The following SLC12A7 variants were observed in gnomAD, a reference collection of about 807,000 sequenced individuals.
SLC12A7 encodes K-Cl cotransporter 4.
A neutral mutation model predicts 120.6 loss-of-function variants in SLC12A7; 100 were observed. That is an observed-to-expected ratio of 0.83 (90% confidence interval 0.71 to 0.98). The LOEUF is 0.98. Ranked by LOEUF, SLC12A7 falls within the 50% of genes least tolerant of loss-of-function variation. The pLI, the probability that SLC12A7 is intolerant of heterozygous loss-of-function variation, is 0.00. For missense variants in SLC12A7, 1,373 were observed against 1,548.1 expected (o/e 0.89, Z 1.90); for synonymous variants, 760 against 678.0 (o/e 1.12, Z -1.88).
chr5:1,101,779 A>ACCCCCCCCCCCCCCCCC (rs914181852), intron 1 of SLC12A7, among the ~76,000 whole-genome samples: 1 of 133,356 alleles, frequency 7.5e-6, no homozygotes. Context: ...CACTGCCCCG[A>ACCCCCCCCCCCCCCCCC]CCCCCCTCCA....
intron 17 of SLC12A7, among the ~76,000 whole-genome samples, chr5:1,068,346 A>G (rs1372131639): frequency 6.6e-6 from 1 of 152,236 alleles, no homozygotes; most frequent in Non-Finnish European, 1.5e-5. Context: ...AGGCAGGAGA[A>G]CTGCTTCAAC....
chr5:1,095,044 A>AGGAGGCGGGGGCGGTG (rs1740978194), intron 1 of SLC12A7, among the ~76,000 whole-genome samples: 1 of 90,234 alleles, frequency 1.1e-5, no homozygotes, highest in African/African-American at 3.6e-5. Context: ...GGGGGCCGGT[A>AGGAGGCGGGGGCGGTG]GGAGGCGGGG....
chr5:1,061,002 A>G (rs1201933614), intron 20 of SLC12A7, among the ~76,000 whole-genome samples: 1,641 of 131,926 alleles, frequency 0.012, 34 homozygotes, highest in African/African-American at 0.047. Flanking sequence ...CCTGCCGTGC[A>G]GGATCCCTGA....
In SLC12A7 at chr5:1,093,758, C is replaced by T. The variant is rs1048955922; in HGVS notation, c.220-103G>A. 250 of 1,516,444 alleles carry T rather than the reference C, an allele frequency of 1.6e-4. 1 individual carries two copies. The highest frequency in any genetic ancestry group is 4.2e-4 in the Middle Eastern group (2 of 4,788). The allele number at this position is 1,516,444 out of a possible 1,614,324, so 93.9% of individuals were successfully genotyped here. The stretch of plus-strand genomic sequence containing the variant: ...GTGGAGCTCAGGCCCTCCCCGGGTC[C>T]TCAGCCCCTGGGTCTGAAGCAAGCC... On this transcript the variant is annotated intron_variant, in intron 2 of 23. Transcript: ENST00000264930.
At chr5:1,089,549 A>C (rs1395164257) in intron 3 of SLC12A7, among the ~76,000 whole-genome samples, 5 of 148,006 alleles carry the variant, frequency 3.4e-5, no homozygotes, top group Admixed American at 1.4e-4. Context: ...CGGAGGGATG[A>C]GACGGCTGCT....
chr5:1,079,319 T>C (rs1295603724), intron 10 of SLC12A7, 79 bp downstream of exon 10: 16 of 1,118,376 alleles, frequency 1.4e-5, no homozygotes, highest in Non-Finnish European at 1.1e-5. Context: ...GCCGAGGGTA[T>C]GATGCTGAGC....
At chr5:1,105,171 C>T (rs1260585751) in intron 1 of SLC12A7, among the ~76,000 whole-genome samples, 21 of 146,662 alleles carry the variant, frequency 1.4e-4, no homozygotes, top group African/African-American at 4.5e-4. Flanking sequence ...GGACCCTCCC[C>T]GCAGGGATGA....
chr5:1,100,717 A>T (rs979842477), intron 1 of SLC12A7, among the ~76,000 whole-genome samples: 5 of 152,226 alleles, frequency 3.3e-5, no homozygotes, highest in African/African-American at 1.2e-4. Flanking sequence ...GCTAACCACG[A>T]GAGAAAACAC....
the SLC12A7 span, among the ~76,000 whole-genome samples, chr5:1,139,164 A>G: frequency 6.6e-6 from 1 of 152,204 alleles, no homozygotes; most frequent in African/African-American, 2.4e-5. Flanking sequence ...GTAGCCCACC[A>G]GGTGGCTGCT....
chr5:1,149,584 A>C, the SLC12A7 span, among the ~76,000 whole-genome samples: 1 of 152,080 alleles, frequency 6.6e-6, no homozygotes, highest in Non-Finnish European at 1.5e-5. Context: ...CTCAAAAACA[A>C]ATAAATTAAA....
At chr5:1,144,350 C>T in the SLC12A7 span, among the ~76,000 whole-genome samples, 4 of 152,242 alleles carry the variant, frequency 2.6e-5, no homozygotes, top group Non-Finnish European at 4.4e-5. Flanking sequence ...AGGGCAGCTC[C>T]GACAAGGAGT....
intron 22 of SLC12A7, among the ~76,000 whole-genome samples, chr5:1,055,933 C>A (rs1735561864): frequency 6.6e-6 from 1 of 152,210 alleles, no homozygotes; most frequent in South Asian, 2.1e-4. Context: ...GGCCACTCAG[C>A]CAAGGCGTTC....
intron 22 of SLC12A7, among the ~76,000 whole-genome samples, chr5:1,054,364 G>A (rs895560440): frequency 2.6e-5 from 4 of 152,236 alleles, no homozygotes; most frequent in African/African-American, 9.6e-5. Context: ...AAGTAGGTTT[G>A]GGGACACTGC....
chr5:1,074,822 C>T (rs1408635283), intron 15 of SLC12A7, 151 bp from the exon 16 acceptor site: 3 of 704,410 alleles, frequency 4.3e-6, no homozygotes, highest in East Asian at 2.7e-5. Context: ...CATGCCCACC[C>T]TTGCCCTGAA....
intron 1 of SLC12A7, among the ~76,000 whole-genome samples, chr5:1,096,811 A>T (rs1239534844): frequency 2.2e-5 from 1 of 46,276 alleles, no homozygotes; most frequent in Non-Finnish European, 4.7e-5. Flanking sequence ...GAGGGAAGGA[A>T]GGAGGGAAGG....
At chr5:1,133,723 G>A in the SLC12A7 span, among the ~76,000 whole-genome samples, 2 of 152,146 alleles carry the variant, frequency 1.3e-5, no homozygotes, top group Non-Finnish European at 2.9e-5. Flanking sequence ...TGGAGTTTCG[G>A]GGTATGAACA....
intron 1 of SLC12A7, among the ~76,000 whole-genome samples, chr5:1,106,367 C>T (rs1742528171): frequency 1.4e-5 from 2 of 144,538 alleles, no homozygotes; most frequent in Admixed American, 7.3e-5. Flanking sequence ...GCACGAGAAT[C>T]GCTTGAACCT....
At chr5:1,123,033 T>C in the SLC12A7 span, among the ~76,000 whole-genome samples, 2 of 152,172 alleles carry the variant, frequency 1.3e-5, no homozygotes, top group Non-Finnish European at 2.9e-5. Flanking sequence ...TTACCTGGGG[T>C]GGCTACGCCA....
the SLC12A7 span, among the ~76,000 whole-genome samples, chr5:1,131,991 C>T: frequency 1.3e-5 from 2 of 152,322 alleles, no homozygotes; most frequent in Admixed American, 1.3e-4. Flanking sequence ...GCCTGCTGCG[C>T]TGCATTCCCA....
Sources: allele counts gnomAD v4.1 joint callset (sites outside exome capture counted in the v4.1 genomes callset), GRCh38; gene constraint gnomAD v4.1.1; transcripts MANE v1.5; gene names NCBI Gene and HGNC (gene_info 2026-07-23, HGNC 2026-07-21).